Variants in COMMD10 observed in about 807,000 individuals in gnomAD.
The protein encoded by COMMD10 is COMM domain containing 10.
COMMD10 carries 33 observed loss-of-function variants against 28.9 expected under a neutral mutation model. That is an observed-to-expected ratio of 1.14 (90% CI 0.87 to 1.53). The LOEUF is 1.53. Ranked by LOEUF, COMMD10 falls within the 40% of genes most tolerant of loss-of-function variation. COMMD10 has a pLI of 0.00. For missense variants in COMMD10, 310 were observed against 233.4 expected (o/e 1.33, Z -2.14); for synonymous variants, 110 against 81.7 (o/e 1.35, Z -1.87).
chr5:116,101,267 A>G (rs1346910764), intron 4 of COMMD10, among the ~76,000 whole-genome samples: 1 of 152,074 alleles, frequency 6.6e-6, no homozygotes, highest in Non-Finnish European at 1.5e-5. Context: ...CCATTGAGGG[A>G]TTGCTAGATT....
intron 5 of COMMD10, among the ~76,000 whole-genome samples, chr5:116,225,334 T>C (rs769259596): frequency 2.7e-5 from 4 of 148,184 alleles, no homozygotes; most frequent in Non-Finnish European, 4.4e-5. Context: ...CTGAAGACTT[T>C]CCTGTTTGTT....
chr5:116,098,090 G>A (rs1750524220), intron 4 of COMMD10, among the ~76,000 whole-genome samples: 1 of 152,094 alleles, frequency 6.6e-6, no homozygotes, highest in South Asian at 2.1e-4. Context: ...TATCCCAAGT[G>A]GTCCATGATG....
At chr5:116,286,802 C>G (rs898784031) in intron 5 of COMMD10, among the ~76,000 whole-genome samples, 1 of 151,710 alleles carries the variant, frequency 6.6e-6, no homozygotes, top group Non-Finnish European at 1.5e-5. Flanking sequence ...AGAGAATGTT[C>G]CATGGGTACT....
chr5:116,214,367 T>A (rs910164555), intron 5 of COMMD10, among the ~76,000 whole-genome samples: 18 of 152,286 alleles, frequency 1.2e-4, no homozygotes, highest in Middle Eastern at 3.4e-3. Context: ...ATGTGGAAAT[T>A]AAATTTTTTA....
Position 116,293,062 on chromosome 5 carries a change from TTCTC to T in COMMD10, c.*578_*581del. 2.5e-6 allele frequency: 1 copy of T among 397,204 alleles called. No individual in the cohort carries two copies. The highest frequency in any genetic ancestry group is 3.6e-5 in the East Asian group (1 of 27,900). 24.6% of individuals were successfully genotyped at this position (397,204 alleles called of 1,614,324 possible). On this transcript the variant is annotated 3_prime_UTR_variant, in exon 7 of 7. Transcript: ENST00000274458. ...TCTGAGCTTCTCTGTCAACTTCAGT[TTCTC>T]TCTCAGTTTAATGATTTAATAATAG...
intron 5 of COMMD10, among the ~76,000 whole-genome samples, chr5:116,170,132 C>G (rs1270898219): frequency 6.6e-6 from 1 of 152,194 alleles, no homozygotes; most frequent in Non-Finnish European, 1.5e-5. Context: ...TAAGCAACTT[C>G]AGCAAAGTCT....
At chr5:116,212,874 A>G (rs1749004403) in intron 5 of COMMD10, among the ~76,000 whole-genome samples, 1 of 152,086 alleles carries the variant, frequency 6.6e-6, no homozygotes, top group Non-Finnish European at 1.5e-5. Context: ...GTTCTGGGGT[A>G]TCCATAATAA....
At position 116,126,557 on chromosome 5, in the gene COMMD10, G is replaced by T. The variant is rs1000636056; in HGVS notation, c.400-7511G>T. Among the ~76,000 whole-genome samples the T allele has an allele frequency of 1.7e-4, 26 of 151,782 alleles. 1 individual carries two copies. The highest frequency in any genetic ancestry group is 5.6e-4 in the African/African-American group (23 of 41,084). ...AGGCTACAGTAACCAAAACAGCATGGTACTGGTACCAAAACAGAGATATAG... is the reference window on the plus strand; with the variant it reads ...AGGCTACAGTAACCAAAACAGCATGTTACTGGTACCAAAACAGAGATATAG... On this transcript the variant is annotated intron_variant, in intron 4 of 6. Transcript: ENST00000274458.
intron 5 of COMMD10, among the ~76,000 whole-genome samples, chr5:116,252,299 T>G (rs926061466): frequency 2.1e-5 from 3 of 142,888 alleles, no homozygotes; most frequent in African/African-American, 8.1e-5. Context: ...AGCTCTTTAG[T>G]TTAATTAGAT....
rs373876538 is a variant in COMMD10 at position 116,107,135 on chromosome 5, G to A, written c.399+14435G>A. ...TTTTTTCCTTTATTTCCACCTTGGTGAATCTGACGATTATGTGTCTCGGGG... is the reference window on the plus strand; with the variant it reads ...TTTTTTCCTTTATTTCCACCTTGGTAAATCTGACGATTATGTGTCTCGGGG... On this transcript the variant is annotated intron_variant, in intron 4 of 6. Transcript: ENST00000274458. Among the ~76,000 whole-genome samples, 41 of 152,158 alleles carry A rather than the reference G, an allele frequency of 2.7e-4. No individual in the cohort carries two copies. The East Asian group carries it at 7.5e-3, about 28-fold the overall frequency.
chr5:116,256,246 G>C (rs919361432), intron 5 of COMMD10, among the ~76,000 whole-genome samples: 1 of 151,642 alleles, frequency 6.6e-6, no homozygotes, highest in Non-Finnish European at 1.5e-5. Flanking sequence ...TCACCGTTCG[G>C]ACAGATCTTG....
Position 116,183,477 on chromosome 5 carries a change from G to A in COMMD10, c.510+49299G>A, listed in dbSNP as rs137909118. ...AAACATATTTTTCAGGTATCCAAGGGACTGTTAGGAGGACTTAAATAACCC... is the reference window on the plus strand; with the variant it reads ...AAACATATTTTTCAGGTATCCAAGGAACTGTTAGGAGGACTTAAATAACCC... On this transcript the variant is annotated intron_variant, in intron 5 of 6. Coordinates refer to ENST00000274458, the MANE Select transcript of COMMD10 (RefSeq NM_016144.4). Among the ~76,000 whole-genome samples the A allele has an allele frequency of 2.3e-4, 35 of 152,134 alleles. No individual in the cohort carries two copies. The East Asian group carries it at 6.8e-3, about 29-fold the overall frequency.
rs140008108 is a variant in COMMD10 at position 116,090,425 on chromosome 5, G to A, written c.133-654G>A. On this transcript the variant is annotated intron_variant, in intron 2 of 6. Transcript: ENST00000274458. Reference sequence around the variant, plus strand: ...GATGGAAGTCAGGTGAACTTGCATAGCTGGGAACTTAGAAATAAACATTTG... The same window carrying A: ...GATGGAAGTCAGGTGAACTTGCATAACTGGGAACTTAGAAATAAACATTTG... Among the ~76,000 whole-genome samples the A allele has an allele frequency of 7.8e-3, 1,184 of 152,298 alleles. 24 individuals are homozygous for A. Among genetic ancestry groups the A allele is most frequent in the Non-Finnish European group, 7.1e-3 (485 of 68,028 alleles).
chr5:116,116,456 GCTT>G lies in COMMD10; in HGVS notation c.400-17607_400-17605del, dbSNP rs537269289. On this transcript the variant is annotated intron_variant, in intron 4 of 6. Coordinates refer to ENST00000274458, the MANE Select transcript of COMMD10 (RefSeq NM_016144.4). ...TGTAACTGTGAATACATATCTGAGA[GCTT>G]CTTCAAGATTTAAATGCTTCTGAAC... 1.9e-3 allele frequency among the ~76,000 whole-genome samples: 289 copies of G among 152,286 alleles called. 2 individuals carry two copies. The highest frequency in any genetic ancestry group is 6.6e-3 in the African/African-American group (273 of 41,562).
intron 5 of COMMD10, among the ~76,000 whole-genome samples, chr5:116,191,803 G>A (rs570207891): frequency 1.3e-5 from 2 of 152,076 alleles, no homozygotes; most frequent in East Asian, 3.9e-4. Context: ...GATGCTCTCT[G>A]GAAAGCACCA....
intron 5 of COMMD10, among the ~76,000 whole-genome samples, chr5:116,165,137 G>A (rs1327782347): frequency 6.6e-6 from 1 of 152,164 alleles, no homozygotes; most frequent in Non-Finnish European, 1.5e-5. Flanking sequence ...ACTAAGATGA[G>A]AATTGTCATT....
At chr5:116,153,427 C>T (rs1054377748) in intron 5 of COMMD10, among the ~76,000 whole-genome samples, 2 of 152,016 alleles carry the variant, frequency 1.3e-5, no homozygotes, top group African/African-American at 2.4e-5. Context: ...TTCTAGTCAG[C>T]CTGGATGGGT....
intron 5 of COMMD10, among the ~76,000 whole-genome samples, chr5:116,283,637 A>T (rs1462861501): frequency 6.6e-6 from 1 of 151,606 alleles, no homozygotes; most frequent in African/African-American, 2.4e-5. Flanking sequence ...TTAAGCCTCA[A>T]AATAAGACCT....
At position 116,107,316 on chromosome 5, in the gene COMMD10, A is replaced by G. The variant is rs151026230; in HGVS notation, c.399+14616A>G. 7.2e-3 allele frequency among the ~76,000 whole-genome samples: 1,095 copies of G among 152,304 alleles called. 15 individuals are homozygous for G. Among genetic ancestry groups the G allele is most frequent in the African/African-American group, 0.025 (1,048 of 41,562 alleles). The stretch of plus-strand genomic sequence containing the variant: ...CTCCCCATCACTTTGAGGTACACCA[A>G]TCAAACATAGATTTGGTCTTTTCAC... On this transcript the variant is annotated intron_variant, in intron 4 of 6. Coordinates refer to ENST00000274458, the MANE Select transcript of COMMD10 (RefSeq NM_016144.4).
Sources: gnomAD v4.1 joint callset for allele counts (sites outside exome capture counted in the v4.1 genomes callset) on GRCh38, gnomAD v4.1.1 for gene constraint, MANE v1.5 for transcripts, NCBI Gene and HGNC (gene_info 2026-07-23, HGNC 2026-07-21) for gene names.